The following ACTN3 variants were observed in gnomAD, a reference collection of about 807,000 sequenced individuals.
ACTN3 encodes alpha-actinin-3.
A neutral mutation model predicts 119.6 loss-of-function variants in ACTN3; 91 were observed. The observed-to-expected ratio is 0.76, with a 90% confidence interval of 0.64 to 0.91. The LOEUF is 0.91. Ranked by LOEUF, ACTN3 falls within the 40% of genes least tolerant of loss-of-function variation. The pLI is 0.00. For synonymous variants in ACTN3, 456 were observed against 478.8 expected, an observed-to-expected ratio of 0.95 and a Z score of 0.62; for missense variants, 1,221 against 1,215.1, an observed-to-expected ratio of 1.00 and a Z score of -0.07.
At position 66,558,826 on chromosome 11, in the gene ACTN3, A is replaced by G. The variant is rs59792175; in HGVS notation, c.1277-410A>G. The G allele has an allele frequency of 4.5e-3, 777 of 170,984 alleles. 3 individuals are homozygous for G. Among genetic ancestry groups the G allele is most frequent in the African/African-American group, 0.017 (736 of 42,282 alleles). The allele number at this position is 170,984 out of a possible 1,614,324, so 10.6% of individuals were successfully genotyped here. On this transcript the variant is annotated intron_variant, in intron 11 of 20. Transcript: ENST00000513398. The stretch of plus-strand genomic sequence containing the variant: ...CCCTAACATCACTTATGTCATACTC[A>G]AAGTATACTGACGCTAAAATATTGC...
At chr11:66,560,447 G>C in intron 14 of ACTN3, 126 bp from the exon 15 acceptor site, 9 of 1,469,676 alleles carry the variant, frequency 6.1e-6, no homozygotes, top group Non-Finnish European at 8.2e-6. Context: ...CTGGAAGACA[G>C]GAGGCCGGGG....
Position 66,551,508 on chromosome 11 carries a change from G to T in ACTN3, c.263-20G>T, listed in dbSNP as rs1180482530. 6.2e-7 allele frequency: 1 copy of T among 1,611,296 alleles called. No individual in the cohort carries two copies. The highest frequency in any genetic ancestry group is 8.5e-7 in the Non-Finnish European group (1 of 1,178,730). ...TGCCTCTCATGACCTTTGGCCCTTGGCCTCTCCTCTTAAACCCAGGTGAGA... is the reference window on the plus strand; with the variant it reads ...TGCCTCTCATGACCTTTGGCCCTTGTCCTCTCCTCTTAAACCCAGGTGAGA... On this transcript the variant is annotated intron_variant, in intron 2 of 20. Transcript: ENST00000513398.
At chr11:66,556,656 C>T (rs1326968623) in intron 8 of ACTN3, among the ~76,000 whole-genome samples, 2 of 152,136 alleles carry the variant, frequency 1.3e-5, no homozygotes, top group African/African-American at 4.8e-5. Context: ...AGGCTGGTCT[C>T]GAACTCCTGG....
Position 66,555,380 on chromosome 11 carries a change from T to C in ACTN3, c.718+13T>C, listed in dbSNP as rs1248457818. On this transcript the variant is annotated intron_variant, in intron 7 of 20. Coordinates refer to ENST00000513398, the MANE Select transcript of ACTN3 (RefSeq NM_001104.4). The stretch of plus-strand genomic sequence containing the variant: ...TTGGATGCAGAAGGTGAGAGTGAGC[T>C]AGCCCAGGGGAAGACCCCACATTCT... 6.2e-7 allele frequency: 1 copy of C among 1,613,618 alleles called. No individual in the cohort carries two copies. The highest frequency in any genetic ancestry group is 1.1e-5 in the South Asian group (1 of 91,072).
In ACTN3 at chr11:66,556,126, C is replaced by A; in HGVS notation, c.719-19C>A. On this transcript the variant is annotated intron_variant, in intron 7 of 20. Transcript: ENST00000513398. ...GACCCCTGGCTTTGGCCAGTAGACACCGTGCTGTCCTCCCCTAGACATTGT... is the reference window on the plus strand; with the variant it reads ...GACCCCTGGCTTTGGCCAGTAGACAACGTGCTGTCCTCCCCTAGACATTGT... The A allele has an allele frequency of 1.2e-6, 2 of 1,605,946 alleles. No individual in the cohort carries two copies. The highest frequency in any genetic ancestry group is 1.7e-6 in the Non-Finnish European group (2 of 1,175,684).
At chr11:66,559,171 C>T in intron 11 of ACTN3, 65 bp from the exon 12 acceptor site, 1 of 1,405,538 alleles carries the variant, frequency 7.1e-7, no homozygotes, top group Non-Finnish European at 9.3e-7. Context: ...CATGGTCACG[C>T]AGCCCGCCGC....
At chr11:66,561,758 C>T in intron 17 of ACTN3, 121 bp downstream of exon 17, 1 of 1,260,292 alleles carries the variant, frequency 7.9e-7, no homozygotes, top group Admixed American at 2.6e-5. Context: ...TGGCCAGGTC[C>T]CTTAAGACCC....
chr11:66,562,642 CT>C (rs1054562342), intron 19 of ACTN3, 153 bp from the exon 20 acceptor site: 56 of 391,858 alleles, frequency 1.4e-4, no homozygotes, highest in African/African-American at 1.1e-3. Flanking sequence ...CCATAAAGGA[CT>C]TCCTACAGCC....
chr11:66,547,489 TG>T (rs1857380084), intron 1 of ACTN3, among the ~76,000 whole-genome samples: 1 of 152,046 alleles, frequency 6.6e-6, no homozygotes, highest in Non-Finnish European at 1.5e-5. Flanking sequence ...CTTGGGAGTG[TG>T]GGGGTAGTGA....
At chr11:66,548,697 C>T (rs1443372254) in intron 1 of ACTN3, among the ~76,000 whole-genome samples, 2 of 152,198 alleles carry the variant, frequency 1.3e-5, no homozygotes, top group Non-Finnish European at 2.9e-5. Context: ...ACTCCTCCAT[C>T]CAAGGGCTTC....
At position 66,551,684 on chromosome 11, in the gene ACTN3, A is replaced by T. The variant is rs767459465; in HGVS notation, c.382+37A>T. On this transcript the variant is annotated intron_variant, in intron 3 of 20. Transcript: ENST00000513398. ...GCAGGAAGGGTCTTGGGCAGGGCAC[A>T]GGGGCCTCTCTTGACATCAGCAAAT... 9.3e-6 allele frequency: 15 copies of T among 1,610,650 alleles called. No homozygotes were observed. The South Asian group carries it at 1.5e-4, about 17-fold the overall frequency.
Position 66,558,028 on chromosome 11 carries a change from A to G in ACTN3, c.1130A>G (p.Asp377Gly). 6.2e-7 allele frequency: 1 copy of G among 1,613,860 alleles called. No homozygotes were observed. Among genetic ancestry groups the G allele is most frequent in the South Asian group, 1.1e-5 (1 of 91,062 alleles). Residue 377 changes from aspartate (D) to glycine (G), a missense_variant and splice_region_variant, in exon 11 of 21, where the codon GAC becomes GGC. Physicochemically the swap from Asp to Gly is moderately conservative, Grantham distance 94. Around this residue, in one of 3 missense-constraint regions of ACTN3, gnomAD observed 934 missense variants for 899.9 expected, o/e 1.04. Coordinates refer to ENST00000513398, the MANE Select transcript of ACTN3 (RefSeq NM_001104.4). ...AGCGCACCCCTGCCTGCTCCACAGG[A>G]CATCGCCAACGCCTGGCGGGGGCTG... ...FMPSEGKLVS[D>G]IANAWRGLEQ...
At position 66,558,158 on chromosome 11, in the gene ACTN3, CG is replaced by C; in HGVS notation, c.1261del (p.Glu421LysfsTer11). The C allele has an allele frequency of 3.1e-6, 5 of 1,613,496 alleles. No homozygotes were observed. Among genetic ancestry groups the C allele is most frequent in the Non-Finnish European group, 3.4e-6 (4 of 1,179,896 alleles). ...AGTTCCGGCAGAAGGCCTCCCTGCA[CG>C]AAGCCTGGACCCGGGGTAGGTAGAC... The part of the protein sequence containing the change: ...EKFRQKASLH[E>X]AWTRGKEEML... On this transcript the variant is annotated frameshift_variant, in exon 11 of 21. Transcript: ENST00000513398. LOFTEE classifies it high-confidence loss of function.
chr11:66,550,986 G>T, intron 1 of ACTN3: 1 of 620,448 alleles, frequency 1.6e-6, no homozygotes, highest in East Asian at 3.3e-5. Flanking sequence ...TGGGGTGCTG[G>T]TGGCCGGGTG....
chr11:66,557,003 C>T (rs566915977), intron 8 of ACTN3, 130 bp from the exon 9 acceptor site: 13 of 682,826 alleles, frequency 1.9e-5, no homozygotes, highest in East Asian at 1.1e-4. Flanking sequence ...CCTCGTGATC[C>T]GCCCGCCTCG....
Position 66,555,227 on chromosome 11 carries a change from C to T in ACTN3, c.636+19C>T. Reference sequence around the variant, plus strand: ...GCGAAAGGTAGAGGCCCCCACCACCCCAGCCCAAGGCCTCTGCCTGCAGCT... The same window carrying T: ...GCGAAAGGTAGAGGCCCCCACCACCTCAGCCCAAGGCCTCTGCCTGCAGCT... On this transcript the variant is annotated intron_variant, in intron 6 of 20. Coordinates refer to ENST00000513398, the MANE Select transcript of ACTN3 (RefSeq NM_001104.4). The T allele has an allele frequency of 6.2e-7, 1 of 1,614,012 alleles. No homozygotes were observed. The highest frequency in any genetic ancestry group is 8.5e-7 in the Non-Finnish European group (1 of 1,179,914).
intron 1 of ACTN3, 76 bp downstream of exon 1, chr11:66,547,160 G>C (rs892295956): frequency 2.1e-5 from 30 of 1,406,910 alleles, no homozygotes; most frequent in Non-Finnish European, 2.7e-5. Flanking sequence ...CATCTCAGCA[G>C]TGCAGGGGCA....
chr11:66,546,535 C>T (rs1460564571), upstream of ACTN3: 2 of 1,535,596 alleles, frequency 1.3e-6, no homozygotes, highest in Admixed American at 2.0e-5. Flanking sequence ...CTGTGTCCCA[C>T]CAGCGAGGTG....
At chr11:66,547,868 C>T (rs543377031) in intron 1 of ACTN3, among the ~76,000 whole-genome samples, 5 of 152,256 alleles carry the variant, frequency 3.3e-5, no homozygotes, top group African/African-American at 1.2e-4. Flanking sequence ...CCAGGCCCAG[C>T]CCGTTGGGCA....
Sources: gnomAD v4.1 joint callset for allele counts (sites outside exome capture counted in the v4.1 genomes callset) on GRCh38, gnomAD v4.1.1 for gene constraint, gnomAD v4.1.1 regional missense constraint, MANE v1.5 for transcripts, NCBI Gene and HGNC (gene_info 2026-07-23, HGNC 2026-07-21) for gene names.